VWA8: variants seen among roughly 807,000 people sequenced by gnomAD.
The protein encoded by VWA8 is von Willebrand factor A domain-containing protein 8.
In VWA8, 221 loss-of-function variants were observed where a neutral mutation model predicts 241.5. That is an observed-to-expected ratio of 0.91 (90% confidence interval 0.82 to 1.02). The LOEUF is 1.02. Ranked by LOEUF, VWA8 falls within the 50% of genes least tolerant of loss-of-function variation. The probability of loss-of-function intolerance (pLI) is 0.00; values close to 1 mark genes in which losing one functional copy is unlikely to be tolerated. For synonymous variants in VWA8, 852 were observed against 827.1 expected (o/e 1.03, Z -0.52); for missense variants, 2,322 against 2,328.7 (o/e 1.00, Z 0.06).
chr13:41,924,846 T>G (rs747180869), intron 2 of VWA8, among the ~76,000 whole-genome samples: 52 of 152,106 alleles, frequency 3.4e-4, no homozygotes, highest in Non-Finnish European at 6.3e-4. Context: ...TGTGCCATGT[T>G]GGTGTGCTGC....
chr13:41,743,827 T>C (rs2045585207), intron 21 of VWA8, among the ~76,000 whole-genome samples: 2 of 152,232 alleles, frequency 1.3e-5, no homozygotes, highest in African/African-American at 2.4e-5. Context: ...CATTGTTGTA[T>C]TCTCAAGAAC....
intron 21 of VWA8, among the ~76,000 whole-genome samples, chr13:41,750,223 A>G (rs1340759270): frequency 6.6e-6 from 1 of 152,018 alleles, no homozygotes; most frequent in Non-Finnish European, 1.5e-5. Context: ...TCACAAGGTC[A>G]AGAGATCGAG....
chr13:41,716,549 T>TA (rs900502286), intron 26 of VWA8, among the ~76,000 whole-genome samples: 9 of 152,140 alleles, frequency 5.9e-5, no homozygotes, highest in Admixed American at 6.6e-5. Flanking sequence ...TTGGCCCTTG[T>TA]AAAAAAATTC....
At chr13:41,592,196 C>A (rs2044459807) in intron 40 of VWA8, among the ~76,000 whole-genome samples, 1 of 142,918 alleles carries the variant, frequency 7.0e-6, no homozygotes. Flanking sequence ...AATCATCATT[C>A]TCAGTAAACT....
chr13:41,689,515 A>T lies in VWA8; in HGVS notation c.3977-7T>A. On this transcript the variant is annotated splice_polypyrimidine_tract_variant and splice_region_variant and intron_variant, in intron 33 of 44. Transcript: ENST00000379310. ...GGTATGCTGAACTCTGTTTCTGAAAAGTACAAACATTAGACACCATATGCT... is the reference window on the plus strand; with the variant it reads ...GGTATGCTGAACTCTGTTTCTGAAATGTACAAACATTAGACACCATATGCT... The T allele has an allele frequency of 6.2e-7, 1 of 1,602,084 alleles. No homozygotes were observed. Among genetic ancestry groups the T allele is most frequent in the South Asian group, 1.1e-5 (1 of 88,850 alleles).
chr13:41,601,058 T>G (rs540975604), intron 40 of VWA8, among the ~76,000 whole-genome samples: 35 of 152,286 alleles, frequency 2.3e-4, no homozygotes, highest in African/African-American at 7.9e-4. Flanking sequence ...CACAGTGTCA[T>G]GCATCTGTCT....
chr13:41,898,648 G>A (rs1465918291), intron 4 of VWA8, among the ~76,000 whole-genome samples: 1 of 152,250 alleles, frequency 6.6e-6, no homozygotes, highest in African/African-American at 2.4e-5. Flanking sequence ...TCGTCCGGGA[G>A]GCTCGGGCTG....
chr13:41,637,298 C>A (rs1305519895), intron 37 of VWA8, among the ~76,000 whole-genome samples: 1 of 150,614 alleles, frequency 6.6e-6, no homozygotes, highest in African/African-American at 2.5e-5. Context: ...TCATTCTCAG[C>A]AAACCATCGC....
chr13:41,899,038 G>C (rs988714503), intron 4 of VWA8, among the ~76,000 whole-genome samples: 1 of 152,256 alleles, frequency 6.6e-6, no homozygotes, highest in South Asian at 2.1e-4. Context: ...ACAGTGCAGC[G>C]GTGGGCTGAA....
intron 26 of VWA8, among the ~76,000 whole-genome samples, chr13:41,703,709 T>A (rs2045265086): frequency 6.6e-6 from 1 of 152,274 alleles, no homozygotes; most frequent in African/African-American, 2.4e-5. Context: ...ATTGAACATC[T>A]AAATTTCTGG....
intron 26 of VWA8, among the ~76,000 whole-genome samples, chr13:41,711,797 C>T (rs1479846116): frequency 6.6e-6 from 1 of 152,014 alleles, no homozygotes; most frequent in African/African-American, 2.4e-5. Flanking sequence ...TGGTGTGAAC[C>T]TGGGAGGCGG....
At chr13:41,589,539 C>T (rs192014584) in intron 41 of VWA8, among the ~76,000 whole-genome samples, 95 of 152,302 alleles carry the variant, frequency 6.2e-4, no homozygotes, top group African/African-American at 2.1e-3. Context: ...GGTGCTTGGA[C>T]ATGCTGAACT....
At chr13:41,804,783 A>G (rs910988359) in intron 17 of VWA8, among the ~76,000 whole-genome samples, 3 of 152,208 alleles carry the variant, frequency 2.0e-5, no homozygotes, top group Non-Finnish European at 2.9e-5. Context: ...GGACAAAGTT[A>G]GAGTGTAGAG....
chr13:41,933,261 C>T (rs1877205452), intron 2 of VWA8, among the ~76,000 whole-genome samples: 1 of 151,898 alleles, frequency 6.6e-6, no homozygotes, highest in South Asian at 2.1e-4. Context: ...GCTGACAAAA[C>T]ATATGCAAGA....
chr13:41,624,371 A>C (rs2044675480), intron 37 of VWA8, among the ~76,000 whole-genome samples: 2 of 152,280 alleles, frequency 1.3e-5, no homozygotes, highest in Non-Finnish European at 2.9e-5. Flanking sequence ...GACACAATGA[A>C]AAAAGAAAAC....
At chr13:41,635,036 T>C (rs953770659) in intron 37 of VWA8, among the ~76,000 whole-genome samples, 1 of 152,188 alleles carries the variant, frequency 6.6e-6, no homozygotes, top group Non-Finnish European at 1.5e-5. Flanking sequence ...TATCTTCTCT[T>C]AGTTTTCTTC....
intron 12 of VWA8, among the ~76,000 whole-genome samples, chr13:41,858,645 T>C (rs2138039927): frequency 6.6e-6 from 1 of 151,388 alleles, no homozygotes; most frequent in South Asian, 2.1e-4. Flanking sequence ...CTAAAGAAGA[T>C]ATGAGACAGA....
intron 37 of VWA8, among the ~76,000 whole-genome samples, chr13:41,637,228 C>A (rs2139678646): frequency 6.6e-6 from 1 of 151,388 alleles, no homozygotes; most frequent in Non-Finnish European, 1.5e-5. Context: ...GAATACTATG[C>A]AGCCATAAAA....
chr13:41,924,956 T>A (rs1876760712), intron 2 of VWA8, among the ~76,000 whole-genome samples: 1 of 150,566 alleles, frequency 6.6e-6, no homozygotes, highest in African/African-American at 2.5e-5. Context: ...TAAGCTATTC[T>A]CCAATGTACA....
Sources: gnomAD v4.1 joint callset for allele counts (sites outside exome capture counted in the v4.1 genomes callset) on GRCh38, gnomAD v4.1.1 for gene constraint, MANE v1.5 for transcripts, NCBI Gene and HGNC (gene_info 2026-07-23, HGNC 2026-07-21) for gene names.